The following NFIB variants were observed in gnomAD, a reference collection of about 807,000 sequenced individuals.
NFIB encodes the protein nuclear factor 1 B-type.
NFIB carries 11 observed loss-of-function variants against 61.5 expected under a neutral mutation model. The ratio of observed to expected loss-of-function variants is 0.18; its 90% CI spans 0.11 to 0.30. The LOEUF (loss-of-function observed/expected upper bound fraction) is 0.30. Ranked by LOEUF, NFIB falls within the 10% of genes least tolerant of loss-of-function variation. The pLI is 1.00. For missense variants in NFIB, 471 were observed against 608.9 expected (o/e 0.77, Z 2.38); for synonymous variants, 260 against 216.5 (o/e 1.20, Z -1.76).
chr9:14,236,860 A>T (rs555772599), intron 2 of NFIB, among the ~76,000 whole-genome samples: 19 of 152,086 alleles, frequency 1.2e-4, no homozygotes, highest in Non-Finnish European at 1.8e-4. Flanking sequence ...TAAAAAAAAA[A>T]AAATAAAAAC....
chr9:14,413,052 C>T, the NFIB span, among the ~76,000 whole-genome samples: 5 of 152,074 alleles, frequency 3.3e-5, no homozygotes, highest in Admixed American at 1.3e-4. Flanking sequence ...AGAATATATG[C>T]GGGAGGCTTT....
Position 14,294,900 on chromosome 9 carries a change from G to A in NFIB, c.562+12089C>T, listed in dbSNP as rs766717103. On this transcript the variant is annotated intron_variant, in intron 2 of 10. Transcript: ENST00000380953. Reference sequence around the variant, plus strand: ...TTCCAAACCTCCTGTGCAAAGTGAGGGGTGCAGTTCAGTGGCCGTAGGGAA... The same window carrying A: ...TTCCAAACCTCCTGTGCAAAGTGAGAGGTGCAGTTCAGTGGCCGTAGGGAA... 3.4e-4 allele frequency among the ~76,000 whole-genome samples: 52 copies of A among 152,112 alleles called. 3 individuals are homozygous for A. The highest frequency in any genetic ancestry group is 1.3e-4 in the Admixed American group (2 of 15,260).
intron 1 of NFIB, chr9:14,361,578 T>C (rs1473751678): frequency 4.6e-5 from 7 of 152,218 alleles, no homozygotes; most frequent in South Asian, 4.1e-4. Flanking sequence ...ACATATAGCA[T>C]ACATTAGTCA....
At chr9:14,519,746 C>A in the NFIB span, among the ~76,000 whole-genome samples, 3 of 152,284 alleles carry the variant, frequency 2.0e-5, no homozygotes, top group South Asian at 6.2e-4. Context: ...GCAGATCCTG[C>A]TACTACCCCC....
At chr9:14,090,416 C>T (rs962651272) in intron 10 of NFIB, among the ~76,000 whole-genome samples, 2 of 152,016 alleles carry the variant, frequency 1.3e-5, no homozygotes, top group Non-Finnish European at 2.9e-5. Flanking sequence ...AATCATGAAA[C>T]TTATTTTACC....
the NFIB span, among the ~76,000 whole-genome samples, chr9:14,446,514 T>C: frequency 1.2e-3 from 179 of 152,308 alleles, no homozygotes; most frequent in African/African-American, 3.8e-3. Context: ...TCAGCTTTCA[T>C]TACTCTACTG....
rs565517793 is a variant in NFIB at position 14,183,765 on chromosome 9, A to T, written c.563-3985T>A. Among the ~76,000 whole-genome samples, 134 of 152,132 alleles carry T rather than the reference A, an allele frequency of 8.8e-4. 2 individuals are homozygous for T. In the South Asian group the frequency reaches 0.026, roughly 30 times the overall value. On this transcript the variant is annotated intron_variant, in intron 2 of 10. Transcript: ENST00000380953. ...AGAGAGGAGTTTTTGGAGGCAGCCA[A>T]CCAAAACCAGTCCTCCCTCATTCTC...
At chr9:14,458,431 GA>G in the NFIB span, among the ~76,000 whole-genome samples, 2 of 152,206 alleles carry the variant, frequency 1.3e-5, no homozygotes, top group Non-Finnish European at 2.9e-5. Flanking sequence ...GCAATATCTG[GA>G]AGCATTCCCT....
intron 2 of NFIB, among the ~76,000 whole-genome samples, chr9:14,296,428 T>C (rs2059448217): frequency 6.6e-6 from 1 of 152,248 alleles, no homozygotes. Context: ...TCTATGCACA[T>C]GATTTTTGTT....
intron 2 of NFIB, among the ~76,000 whole-genome samples, chr9:14,247,935 C>CT (rs1051234569): frequency 0.17 from 23,458 of 138,042 alleles, 2,175 homozygotes; most frequent in Non-Finnish European, 0.2. Flanking sequence ...TTCTTTTTTT[C>CT]TTTTTTTTTT....
chr9:14,252,022 T>A (rs2055687188), intron 2 of NFIB, among the ~76,000 whole-genome samples: 1 of 152,150 alleles, frequency 6.6e-6, no homozygotes, highest in Non-Finnish European at 1.5e-5. Context: ...TATCAGGAGA[T>A]TTTTCAGTTG....
chr9:14,454,458 T>C, the NFIB span, among the ~76,000 whole-genome samples: 1 of 152,246 alleles, frequency 6.6e-6, no homozygotes, highest in Non-Finnish European at 1.5e-5. Flanking sequence ...TCTTGCCTAG[T>C]TAATTTTTGT....
intron 1 of NFIB, among the ~76,000 whole-genome samples, chr9:14,380,332 G>A (rs547358421): frequency 6.6e-6 from 1 of 152,280 alleles, no homozygotes; most frequent in Non-Finnish European, 1.5e-5. Flanking sequence ...TCAGAGCTGA[G>A]GGCTAAAGGC....
intron 2 of NFIB, among the ~76,000 whole-genome samples, chr9:14,282,856 T>A (rs1290053623): frequency 6.6e-6 from 1 of 152,232 alleles, no homozygotes. Flanking sequence ...ACCACTGTTG[T>A]ATGAACTTCG....
chr9:14,477,649 T>C, the NFIB span, among the ~76,000 whole-genome samples: 1 of 152,218 alleles, frequency 6.6e-6, no homozygotes, highest in African/African-American at 2.4e-5. Context: ...TTCAGAGTTA[T>C]TTCTATGTTG....
At chr9:14,484,701 T>TA in the NFIB span, among the ~76,000 whole-genome samples, 1 of 152,210 alleles carries the variant, frequency 6.6e-6, no homozygotes, top group Non-Finnish European at 1.5e-5. Context: ...TTCATTAATG[T>TA]AATAGATAAT....
intron 1 of NFIB, among the ~76,000 whole-genome samples, chr9:14,396,766 G>A (rs1367988274): frequency 6.6e-6 from 1 of 152,156 alleles, no homozygotes; most frequent in Non-Finnish European, 1.5e-5. Flanking sequence ...TAACAGTGAG[G>A]CAGTTTTGCT....
At chr9:14,438,116 A>G in the NFIB span, among the ~76,000 whole-genome samples, 1,136 of 152,058 alleles carry the variant, frequency 7.5e-3, 5 homozygotes, top group Non-Finnish European at 0.011. Flanking sequence ...GGGGGGACTG[A>G]GAAGCAGGGA....
intron 2 of NFIB, among the ~76,000 whole-genome samples, chr9:14,220,288 C>A (rs1476375481): frequency 6.6e-6 from 1 of 152,182 alleles, no homozygotes; most frequent in Non-Finnish European, 1.5e-5. Flanking sequence ...AAAGAAAACA[C>A]AACTCTAATT....
Sources: gnomAD v4.1 joint callset for allele counts (sites outside exome capture counted in the v4.1 genomes callset) on GRCh38, gnomAD v4.1.1 for gene constraint, MANE v1.5 for transcripts, NCBI Gene and HGNC (gene_info 2026-07-23, HGNC 2026-07-21) for gene names.